NDUFAF3: variants seen among roughly 807,000 people sequenced by gnomAD.
NDUFAF3 encodes NADH dehydrogenase [ubiquinone] 1 alpha subcomplex assembly factor 3.
A neutral mutation model predicts 22.6 loss-of-function variants in NDUFAF3; 21 were observed. That is an observed-to-expected ratio of 0.93 (90% confidence interval 0.66 to 1.34). NDUFAF3 has a LOEUF of 1.34. Ranked by LOEUF, NDUFAF3 falls within the 40% of genes most tolerant of loss-of-function variation. The pLI, the probability that NDUFAF3 is intolerant of heterozygous loss-of-function variation, is 0.00. For missense variants in NDUFAF3, 251 were observed against 248.4 expected (o/e 1.01, Z -0.07); for synonymous variants, 113 against 104.9 (o/e 1.08, Z -0.47).
upstream of NDUFAF3, chr3:49,020,905 C>T (rs1293374709): frequency 7.4e-6 from 2 of 270,548 alleles, no homozygotes; most frequent in South Asian, 3.0e-5. Context: ...GGTCCCGATC[C>T]GGATTAGATC....
chr3:49,022,330 C>T lies in NDUFAF3; in HGVS notation c.78-16C>T, dbSNP rs771016830. On this transcript the variant is annotated splice_polypyrimidine_tract_variant and intron_variant, in intron 1 of 4. Transcript: ENST00000326925. This position sits in a 1 kb window ranked among gnomAD's most constrained non-coding sequence, Gnocchi z 6.6. ...GCCCGGCCCGGCCCCGCGCCCCTGA[C>T]CCTTTCCCTCCGCAGGGCCCCGCGG... 2 of 1,610,616 alleles carry T rather than the reference C, an allele frequency of 1.2e-6. No homozygotes were observed. The highest frequency in any genetic ancestry group is 1.7e-4 in the Middle Eastern group (1 of 6,034).
Position 49,023,232 on chromosome 3 carries a change from A to T in NDUFAF3, c.*60A>T. On this transcript the variant is annotated 3_prime_UTR_variant, in exon 5 of 5. Coordinates refer to ENST00000326925, the MANE Select transcript of NDUFAF3 (RefSeq NM_199069.2). ...CAGGCTTCCCAATGCTTTCACTCTT[A>T]TCTACCCTTTGGCACTTATCTTGCT... The T allele has an allele frequency of 8.0e-7, 1 of 1,243,208 alleles. No homozygotes were observed. The highest frequency in any genetic ancestry group is 1.2e-5 in the South Asian group (1 of 83,612). The allele number at this position is 1,243,208 out of a possible 1,614,324, so 77.0% of individuals were successfully genotyped here. A position where few individuals can be genotyped will look rare whatever the true frequency, so the allele number is the denominator to read the frequency against.
At chr3:49,020,749 G>A (rs911631817), upstream of NDUFAF3, 3 of 454,760 alleles carry the variant, frequency 6.6e-6, no homozygotes, top group East Asian at 2.1e-4. Context: ...CAGGTCACTC[G>A]CCCTGGGGCC....
At chr3:49,022,003 C>G, upstream of NDUFAF3, 1 of 868,138 alleles carries the variant, frequency 1.2e-6, no homozygotes, top group East Asian at 2.7e-5. This position sits in a 1 kb window ranked among gnomAD's most constrained non-coding sequence, Gnocchi z 6.6. Context: ...ACTGAGGACA[C>G]TCGCCTGCTG....
rs1262168166 is a variant in NDUFAF3, at chr3:49,022,766, T to G, written c.335T>G (p.Ile112Arg). Reference protein sequence around the residue: ...FSLFWLLEPRIEIVVVGTGDR... With the variant: ...FSLFWLLEPRREIVVVGTGDR... The stretch of plus-strand genomic sequence containing the variant: ...CTCTTCTGGTTGCTGGAGCCCCGGA[T>G]AGGTACTGGGGAAGGGGAGGGAGAA... Residue 112 changes from isoleucine (I) to arginine (R), a missense_variant and splice_region_variant, in exon 3 of 5, where the codon ATA becomes AGA. Ile to Arg is a moderately conservative substitution (Grantham distance 97). Coordinates refer to ENST00000326925, the MANE Select transcript of NDUFAF3 (RefSeq NM_199069.2). This position sits in a 1 kb window ranked among gnomAD's most constrained non-coding sequence, Gnocchi z 6.6. The G allele has an allele frequency of 3.7e-6, 6 of 1,613,668 alleles. No individual in the cohort carries two copies. In the South Asian group the frequency reaches 6.6e-5, roughly 18 times the overall value.
At position 49,022,723 on chromosome 3, in the gene NDUFAF3, A is replaced by G. The variant is rs2093173462; in HGVS notation, c.292A>G (p.Thr98Ala). ...QWNVGSHQDI[T>A]EDSFSLFWLL... ...ACAGGTGGGATCCCACCAGGACATC[A>G]CCGAAGACAGCTTTTCCCTCTTCTG... Residue 98 changes from threonine (T) to alanine (A), a missense_variant, in exon 3 of 5, where the codon ACC (threonine) becomes GCC (alanine). Transcript: ENST00000326925. The surrounding 1 kb of genome is among the most constrained non-coding windows in gnomAD (Gnocchi z 6.6). 1.9e-6 allele frequency: 3 copies of G among 1,613,776 alleles called. No homozygotes were observed. Among genetic ancestry groups the G allele is most frequent in the Admixed American group, 1.7e-5 (1 of 59,992 alleles).
rs747531876 is a variant in NDUFAF3 at position 49,023,208 on chromosome 3, A to G, written c.*36A>G. ...ACTGACCTGCTGACTGCACTCTGCC[A>G]GGCTTCCCAATGCTTTCACTCTTAT... On this transcript the variant is annotated 3_prime_UTR_variant, in exon 5 of 5. Transcript: ENST00000326925. 1.3e-6 allele frequency: 2 copies of G among 1,490,026 alleles called. No individual in the cohort carries two copies. The highest frequency in any genetic ancestry group is 2.3e-5 in the East Asian group (1 of 44,258). 92.3% of individuals were successfully genotyped at this position (1,490,026 alleles called of 1,614,324 possible).
In NDUFAF3 at chr3:49,022,625, G is replaced by C. The variant is rs1015271824; in HGVS notation, c.271-77G>C. ...GTCCCTGCAAACTTGGCTTTCCTCT[G>C]TCTCCTCCTGCAGTGGATGGAGATG... is the stretch of plus-strand genomic sequence containing the variant. On this transcript the variant is annotated intron_variant, in intron 2 of 4. Coordinates refer to ENST00000326925, the MANE Select transcript of NDUFAF3 (RefSeq NM_199069.2). The surrounding 1 kb of genome is among the most constrained non-coding windows in gnomAD (Gnocchi z 6.6). 1.1e-5 allele frequency: 18 copies of C among 1,612,976 alleles called. No homozygotes were observed. The Middle Eastern group carries it at 4.9e-4, about 44-fold the overall frequency.
At chr3:49,021,896 C>A, upstream of NDUFAF3, 1 of 560,400 alleles carries the variant, frequency 1.8e-6, no homozygotes, top group Non-Finnish European at 3.1e-6. The surrounding 1 kb of genome is among the most constrained non-coding windows in gnomAD (Gnocchi z 4.1). Flanking sequence ...CCAGGTGTTC[C>A]ACTCCCCCGG....
rs764790908 is a variant in NDUFAF3, at chr3:49,022,356, C to G, written c.88C>G (p.Arg30Gly). ...CCTTTCCCTCCGCAGGGCCCCGCGG[C>G]GAGGGCATCGGCTCTCGCCGGCGGA... ...PPVELPWAPRRGHRLSPADDE... is the reference protein window; with the variant it reads ...PPVELPWAPRGGHRLSPADDE... The change falls in exon 2 of 5, where the codon CGA (arginine) becomes GGA (glycine). Residue 30 changes from arginine (R) to glycine (G), a missense_variant. Arg to Gly is a moderately radical substitution (Grantham distance 125). Transcript: ENST00000326925. This position sits in a 1 kb window ranked among gnomAD's most constrained non-coding sequence, Gnocchi z 6.6. 29 of 1,611,920 alleles carry G rather than the reference C, an allele frequency of 1.8e-5. No individual in the cohort carries two copies. Among genetic ancestry groups the G allele is most frequent in the Admixed American group, 3.3e-5 (2 of 59,990 alleles).
Position 49,022,913 on chromosome 3 carries a change from G to C in NDUFAF3, c.375G>C (p.Arg125Ser). 1 of 1,614,018 alleles carries C rather than the reference G, an allele frequency of 6.2e-7. No individual in the cohort carries two copies. Among genetic ancestry groups the C allele is most frequent in the Non-Finnish European group, 8.5e-7 (1 of 1,180,028 alleles). The change falls in exon 4 of 5, where the codon AGG (arginine) becomes AGC (serine). Residue 125 changes from arginine to serine, a missense_variant. Arg to Ser is a moderately radical substitution (Grantham distance 110). Coordinates refer to ENST00000326925, the MANE Select transcript of NDUFAF3 (RefSeq NM_199069.2). The surrounding 1 kb of genome is among the most constrained non-coding windows in gnomAD (Gnocchi z 6.6). ...VVVGTGDRTE[R>S]LQSQVLQAMR... Reference sequence around the variant, plus strand: ...TGGGGACTGGAGACCGGACCGAGAGGCTGCAGTCCCAGGTGCTTCAAGCCA... The same window carrying C: ...TGGGGACTGGAGACCGGACCGAGAGCCTGCAGTCCCAGGTGCTTCAAGCCA...
chr3:49,023,457 T>C lies in NDUFAF3; in HGVS notation c.*285T>C, dbSNP rs2093181306. 3 of 474,606 alleles carry C rather than the reference T, an allele frequency of 6.3e-6. No homozygotes were observed. Among genetic ancestry groups the C allele is most frequent in the Non-Finnish European group, 3.9e-6 (1 of 257,536 alleles). 29.4% of individuals were successfully genotyped at this position (474,606 alleles called of 1,614,324 possible). A position where few individuals can be genotyped will look rare whatever the true frequency, so the allele number is the denominator to read the frequency against. On this transcript the variant is annotated 3_prime_UTR_variant, in exon 5 of 5. Transcript: ENST00000326925. The stretch of plus-strand genomic sequence containing the variant: ...CCTGTTGTAGACCTACTTGCTCACA[T>C]GCAGATTTGAGAGGACCTCAACGGC...
upstream of NDUFAF3, chr3:49,022,001 C>A: frequency 1.2e-6 from 1 of 834,334 alleles, no homozygotes; most frequent in Non-Finnish European, 1.9e-6. This position sits in a 1 kb window ranked among gnomAD's most constrained non-coding sequence, Gnocchi z 6.6. Flanking sequence ...AGACTGAGGA[C>A]ACTCGCCTGC....
At position 49,022,461 on chromosome 3, in the gene NDUFAF3, A is replaced by T. The variant is rs200576852; in HGVS notation, c.193A>T (p.Ser65Cys). ...AQAMYIDSYNSRGFMINGNRV... is the reference protein window; with the variant it reads ...AQAMYIDSYNCRGFMINGNRV... ...GGCAATGTACATCGACAGCTACAAC[A>T]GCCGCGGCTTCATGATAAACGGAAA... Residue 65 changes from serine to cysteine, a missense_variant, in exon 2 of 5, where the codon AGC (serine) becomes TGC (cysteine). Coordinates refer to ENST00000326925, the MANE Select transcript of NDUFAF3 (RefSeq NM_199069.2). The surrounding 1 kb of genome is among the most constrained non-coding windows in gnomAD (Gnocchi z 6.6). 237 of 1,612,920 alleles carry T rather than the reference A, an allele frequency of 1.5e-4. 2 individuals carry two copies. Among genetic ancestry groups the T allele is most frequent in the Middle Eastern group, 1.6e-4 (1 of 6,082 alleles).
upstream of NDUFAF3, chr3:49,020,614 G>A (rs1261483902): frequency 2.1e-6 from 1 of 484,668 alleles, no homozygotes; most frequent in Non-Finnish European, 4.3e-6. Context: ...CCAGGGCGCT[G>A]CTCAGGCAGG....
chr3:49,022,713 C>G lies in NDUFAF3; in HGVS notation c.282C>G (p.His94Gln). ...HSVVQWNVGS[H>Q]QDITEDSFSL... Reference sequence around the variant, plus strand: ...TCCTCCCTGCACAGGTGGGATCCCACCAGGACATCACCGAAGACAGCTTTT... The same window carrying G: ...TCCTCCCTGCACAGGTGGGATCCCAGCAGGACATCACCGAAGACAGCTTTT... Residue 94 changes from histidine to glutamine, a missense_variant, in exon 3 of 5, where the codon CAC becomes CAG. Coordinates refer to ENST00000326925, the MANE Select transcript of NDUFAF3 (RefSeq NM_199069.2). The surrounding 1 kb of genome is among the most constrained non-coding windows in gnomAD (Gnocchi z 6.6). 1 of 1,614,092 alleles carries G rather than the reference C, an allele frequency of 6.2e-7. No individual in the cohort carries two copies. The highest frequency in any genetic ancestry group is 8.5e-7 in the Non-Finnish European group (1 of 1,180,026).
chr3:49,022,404 C>T lies in NDUFAF3; in HGVS notation c.136C>T (p.Arg46Cys). The change falls in exon 2 of 5, where the codon CGC becomes TGC. Residue 46 changes from arginine to cysteine, a missense_variant. By Grantham distance (180) the Arg-to-Cys change is radical. Transcript: ENST00000326925. The surrounding 1 kb of genome is among the most constrained non-coding windows in gnomAD (Gnocchi z 6.6). ...PADDELYQRT[R>C]ISLLQREAAQ... Reference sequence around the variant, plus strand: ...GGATGACGAGCTGTATCAGCGGACGCGCATCTCTCTGCTGCAACGCGAGGC... The same window carrying T: ...GGATGACGAGCTGTATCAGCGGACGTGCATCTCTCTGCTGCAACGCGAGGC... 1 of 1,612,888 alleles carries T rather than the reference C, an allele frequency of 6.2e-7. No homozygotes were observed.
rs567032648 is a variant in NDUFAF3 at position 49,022,175 on chromosome 3, T to G, written c.31T>G (p.Tyr11Asp). Reference protein sequence around the residue: MATALALRSLYRARPSLRCPP... With the variant: MATALALRSLDRARPSLRCPP... ...CACCGCTCTCGCGCTACGTAGCTTGTACCGAGCGCGACCCTCGCTGCGCTG... is the reference window on the plus strand; with the variant it reads ...CACCGCTCTCGCGCTACGTAGCTTGGACCGAGCGCGACCCTCGCTGCGCTG... The change falls in exon 1 of 5, where the codon TAC (tyrosine) becomes GAC (aspartate). Residue 11 changes from tyrosine to aspartate, a missense_variant. Physicochemically the swap from Tyr to Asp is radical, Grantham distance 160. Transcript: ENST00000326925. This position sits in a 1 kb window ranked among gnomAD's most constrained non-coding sequence, Gnocchi z 6.6. The G allele has an allele frequency of 8.7e-6, 14 of 1,610,468 alleles. No individual in the cohort carries two copies. The highest frequency in any genetic ancestry group is 9.3e-6 in the Non-Finnish European group (11 of 1,179,622).
Position 49,022,779 on chromosome 3 carries a change from A to C in NDUFAF3, c.337+11A>C, listed in dbSNP as rs752036647. 6.2e-7 allele frequency: 1 copy of C among 1,613,938 alleles called. No homozygotes were observed. Among genetic ancestry groups the C allele is most frequent in the Non-Finnish European group, 8.5e-7 (1 of 1,180,002 alleles). On this transcript the variant is annotated intron_variant, in intron 3 of 4. Coordinates refer to ENST00000326925, the MANE Select transcript of NDUFAF3 (RefSeq NM_199069.2). This position sits in a 1 kb window ranked among gnomAD's most constrained non-coding sequence, Gnocchi z 6.6. ...TGGAGCCCCGGATAGGTACTGGGGA[A>C]GGGGAGGGAGAACAGAGGTGTTCTG...
Sources: allele counts gnomAD v4.1 joint callset, GRCh38; gene constraint gnomAD v4.1.1; non-coding constraint Gnocchi (gnomAD v3.1); transcripts MANE v1.5; gene names NCBI Gene and HGNC (gene_info 2026-07-23, HGNC 2026-07-21).